The following GREB1 variants were observed in gnomAD, a reference collection of about 807,000 sequenced individuals.
GREB1 encodes growth regulating estrogen receptor binding 1, also known as protein GREB1.
A neutral mutation model predicts 200.7 loss-of-function variants in GREB1; 106 were observed. The ratio of observed to expected loss-of-function variants is 0.53; its 90% CI spans 0.45 to 0.62. GREB1 has a LOEUF of 0.62. Among genes scored for constraint, GREB1 ranks in the 20% least tolerant of loss-of-function variants. The pLI, the probability that GREB1 is intolerant of heterozygous loss-of-function variation, is 0.00. For missense variants in GREB1, 2,243 were observed against 2,556.8 expected (o/e 0.88, Z 2.65); for synonymous variants, 1,132 against 1,092.4 (o/e 1.04, Z -0.72).
At chr2:11,596,297 C>T in intron 13 of GREB1, 58 bp downstream of exon 13, 1 of 1,524,360 alleles carries the variant, frequency 6.6e-7, no homozygotes, top group South Asian at 1.2e-5. Context: ...TGATGAGGGG[C>T]AGGGTCAGTG....
chr2:11,484,468 G>A (rs1196513793), intron 1 of GREB1, among the ~76,000 whole-genome samples: 1 of 152,030 alleles, frequency 6.6e-6, no homozygotes, highest in African/African-American at 2.4e-5. Context: ...AGTTAACTCA[G>A]GAGGCAGGCA....
At chr2:11,570,647 C>A (rs565738236) in intron 4 of GREB1, among the ~76,000 whole-genome samples, 4 of 150,974 alleles carry the variant, frequency 2.6e-5, no homozygotes, top group African/African-American at 9.8e-5. Flanking sequence ...CTAGTTTTAC[C>A]CTTATAATTG....
At chr2:11,538,095 G>A (rs1222995253) in intron 1 of GREB1, among the ~76,000 whole-genome samples, 2 of 152,124 alleles carry the variant, frequency 1.3e-5, no homozygotes, top group Non-Finnish European at 2.9e-5. Context: ...CCTCCCCAAC[G>A]AGTAAAGCCC....
chr2:11,607,582 A>G (rs1272603274), intron 17 of GREB1, among the ~76,000 whole-genome samples: 3 of 68,698 alleles, frequency 4.4e-5, no homozygotes, highest in Non-Finnish European at 3.1e-5. Flanking sequence ...ATACACATAT[A>G]TACATATATA....
chr2:11,595,264 C>T lies in GREB1; in HGVS notation c.1710C>T (p.Ala570=). 6.2e-7 allele frequency: 1 copy of T among 1,613,240 alleles called. No homozygotes were observed. The highest frequency in any genetic ancestry group is 8.5e-7 in the Non-Finnish European group (1 of 1,179,472). The change falls in exon 12 of 33, where the codon GCC becomes GCT. Residue 570 remains alanine, a synonymous_variant. Transcript: ENST00000381486. ...SCIAVTGKYQ[A]RILSESLLTP... is the part of the protein sequence containing the mutation. Reference sequence around the variant, plus strand: ...TTTGCTTTCCAGGAAAATACCAAGCCCGGATTCTTTCCGAGAGCCTTCTCA... The same window carrying T: ...TTTGCTTTCCAGGAAAATACCAAGCTCGGATTCTTTCCGAGAGCCTTCTCA...
chr2:11,560,952 A>G (rs998735099), intron 2 of GREB1, among the ~76,000 whole-genome samples: 2 of 152,210 alleles, frequency 1.3e-5, no homozygotes, highest in African/African-American at 4.8e-5. Flanking sequence ...CTGTGTACCC[A>G]GAGCCACTGG....
chr2:11,616,968 G>C (rs1202468202), intron 21 of GREB1, among the ~76,000 whole-genome samples: 1 of 152,206 alleles, frequency 6.6e-6, no homozygotes, highest in East Asian at 1.9e-4. Context: ...GAGGACCGTG[G>C]ACCCTGCCCC....
At chr2:11,600,565 T>C (rs1349944249) in intron 15 of GREB1, among the ~76,000 whole-genome samples, 2 of 152,182 alleles carry the variant, frequency 1.3e-5, no homozygotes, top group African/African-American at 2.4e-5. Flanking sequence ...AAATCCTCTC[T>C]GACTACCGTC....
chr2:11,617,115 A>G (rs1424328293), intron 21 of GREB1, among the ~76,000 whole-genome samples: 1 of 152,212 alleles, frequency 6.6e-6, no homozygotes, highest in Non-Finnish European at 1.5e-5. Context: ...AGAAGTAGAC[A>G]TGGAGACTTC....
At chr2:11,499,552 A>G (rs545612372) in intron 1 of GREB1, among the ~76,000 whole-genome samples, 15 of 152,382 alleles carry the variant, frequency 9.8e-5, no homozygotes, top group Middle Eastern at 3.4e-3. Context: ...TGCATTAGCT[A>G]CTTACATCAG....
chr2:11,514,570 G>T (rs1673435702), intron 1 of GREB1, among the ~76,000 whole-genome samples: 1 of 152,212 alleles, frequency 6.6e-6, no homozygotes, highest in Non-Finnish European at 1.5e-5. Flanking sequence ...GAGGGGTGTT[G>T]ATTACAGAGG....
Position 11,618,855 on chromosome 2 carries a change from A to G in GREB1, c.3980A>G (p.Asn1327Ser), listed in dbSNP as rs1683748366. ...CGGCCCAGCCACATGGACTACGGCA[A>G]CCGGGCCGAGGGCCGCGTGGACGGC... ...VPRPSHMDYGNRAEGRVDGFH... is the reference protein window; with the variant it reads ...VPRPSHMDYGSRAEGRVDGFH... Residue 1327 changes from asparagine to serine, a missense_variant, in exon 22 of 33, where the codon AAC becomes AGC. Asn to Ser is a conservative substitution (Grantham distance 46, BLOSUM62 1). This residue lies in a region of GREB1 where 587 missense variants were observed against 553.1 expected (regional missense o/e 1.06). Transcript: ENST00000381486. 6.3e-6 allele frequency: 10 copies of G among 1,594,310 alleles called. No homozygotes were observed. The East Asian group carries it at 2.2e-4, about 36-fold the overall frequency.
At chr2:11,553,881 G>A (rs1340935193) in intron 1 of GREB1, among the ~76,000 whole-genome samples, 1 of 152,060 alleles carries the variant, frequency 6.6e-6, no homozygotes, top group African/African-American at 2.4e-5. Flanking sequence ...TGTTCTTTCT[G>A]TCAGAGGACA....
chr2:11,524,999 A>G (rs1474084318), intron 1 of GREB1, among the ~76,000 whole-genome samples: 1 of 152,090 alleles, frequency 6.6e-6, no homozygotes, highest in Non-Finnish European at 1.5e-5. Context: ...AAAGCGGACT[A>G]CACTTGCTGC....
chr2:11,519,449 G>GTTTTTT lies in GREB1; in HGVS notation c.-158-36990_-158-36985dup, dbSNP rs70955804. Among the ~76,000 whole-genome samples the GTTTTTT allele has an allele frequency of 3.5e-3, 266 of 77,000 alleles. 9 individuals carry two copies. Among genetic ancestry groups the GTTTTTT allele is most frequent in the Middle Eastern group, 0.013 (1 of 78 alleles). The allele number at this position is 77,000 out of a possible 152,430, so 50.5% of individuals were successfully genotyped here. ...TCACATCTTATGATTACTTGTTTTG[G>GTTTTTT]TTTTTTTTTTTTTTTTTTTTTTTGA... On this transcript the variant is annotated intron_variant, in intron 1 of 2. Coordinates refer to the GREB1 transcript ENST00000628795.
intron 20 of GREB1, 104 bp downstream of exon 20, chr2:11,615,394 C>A: frequency 1.1e-5 from 11 of 978,624 alleles, no homozygotes; most frequent in Middle Eastern, 3.2e-4. Flanking sequence ...GTCTCCAGTT[C>A]AGCAGGGTCC....
At chr2:11,563,078 T>C (rs1222126422) in intron 3 of GREB1, 1 of 152,288 alleles carries the variant, frequency 6.6e-6, no homozygotes, top group Non-Finnish European at 1.5e-5. Context: ...GTTCAAGCAA[T>C]TCTCCTGCCT....
chr2:11,611,079 C>A, intron 18 of GREB1, 52 bp downstream of exon 18: 1 of 1,407,266 alleles, frequency 7.1e-7, no homozygotes, highest in Non-Finnish European at 9.6e-7. Context: ...CCTGGGAGAG[C>A]TGAGGGGCCC....
chr2:11,483,860 C>T (rs979990743), intron 1 of GREB1, among the ~76,000 whole-genome samples: 1 of 152,170 alleles, frequency 6.6e-6, no homozygotes, highest in East Asian at 1.9e-4. Context: ...AAAAGAACTA[C>T]TTACTTTGTA....
Sources: allele counts gnomAD v4.1 joint callset (sites outside exome capture counted in the v4.1 genomes callset), GRCh38; gene constraint gnomAD v4.1.1; regional missense constraint gnomAD v4.1.1; transcripts MANE v1.5; gene names NCBI Gene and HGNC (gene_info 2026-07-23, HGNC 2026-07-21).